The following NFATC4 variants were observed in gnomAD, a reference collection of about 807,000 sequenced individuals.
NFATC4 encodes the protein nuclear factor of activated T-cells, cytoplasmic 4.
Under a neutral mutation model 73.4 loss-of-function variants are expected in NFATC4, and 25 were observed. The ratio of observed to expected loss-of-function variants is 0.34; its 90% CI spans 0.25 to 0.48. NFATC4 has a LOEUF of 0.48. Among genes scored for constraint, NFATC4 ranks in the 20% least tolerant of loss-of-function variants. The probability of loss-of-function intolerance (pLI) is 0.99; values close to 1 mark genes in which losing one functional copy is unlikely to be tolerated. For synonymous variants in NFATC4, 523 were observed against 510.3 expected, an observed-to-expected ratio of 1.02 and a Z score of -0.34; for missense variants, 1,130 against 1,203.7, an observed-to-expected ratio of 0.94 and a Z score of 0.91.
chr14:24,377,457 T>G lies in NFATC4; in HGVS notation c.2642-181T>G. The G allele has an allele frequency of 7.0e-7, 1 of 1,431,260 alleles. No individual in the cohort carries two copies. The highest frequency in any genetic ancestry group is 9.1e-7 in the Non-Finnish European group (1 of 1,095,684). 88.7% of individuals were successfully genotyped at this position (1,431,260 alleles called of 1,614,324 possible). Reference sequence around the variant, plus strand: ...CACATGGAGGGAGTTGGGCAAGATTTGATTCGGAGCAGGTGTCAAGACGTG... The same window carrying G: ...CACATGGAGGGAGTTGGGCAAGATTGGATTCGGAGCAGGTGTCAAGACGTG... On this transcript the variant is annotated intron_variant, in intron 9 of 9. Coordinates refer to ENST00000250373, the MANE Select transcript of NFATC4 (RefSeq NM_004554.5). The surrounding 1 kb of genome is among the most constrained non-coding windows in gnomAD (Gnocchi z 4.2).
intron 2 of NFATC4, 54 bp downstream of exon 2, chr14:24,370,648 A>G: frequency 6.4e-7 from 1 of 1,552,656 alleles, no homozygotes; most frequent in East Asian, 2.3e-5. Context: ...GTAGGGGAGC[A>G]GGAGGGTCAA....
upstream of NFATC4, chr14:24,367,386 G>A (rs1246545307): frequency 1.3e-6 from 2 of 1,535,736 alleles, no homozygotes; most frequent in South Asian, 1.2e-5. Flanking sequence ...GTTCTAGGGA[G>A]GAGGCTGCCA....
chr14:24,375,280 T>A lies in NFATC4; in HGVS notation c.1874-380T>A, dbSNP rs80106173. Among the ~76,000 whole-genome samples, 1,197 of 152,264 alleles carry A rather than the reference T, an allele frequency of 7.9e-3. 15 individuals carry two copies. Among genetic ancestry groups the A allele is most frequent in the African/African-American group, 0.027 (1,127 of 41,544 alleles). ...CTCCAGAGGTTCTAGGTCATGATAC[T>A]TGGGGGTCTCATTGCGTTCTGTCGA... is the stretch of plus-strand genomic sequence containing the variant. On this transcript the variant is annotated intron_variant, in intron 6 of 9. Transcript: ENST00000250373.
intron 1 of NFATC4, chr14:24,369,284 A>T: frequency 6.4e-7 from 1 of 1,555,708 alleles, no homozygotes. Context: ...CGGTCCTAGG[A>T]TCCAGGGGCC....
chr14:24,377,893 C>T lies in NFATC4; in HGVS notation c.*188C>T. 1 of 1,206,172 alleles carries T rather than the reference C, an allele frequency of 8.3e-7. No homozygotes were observed. Among genetic ancestry groups the T allele is most frequent in the East Asian group, 2.6e-5 (1 of 38,900 alleles). 74.7% of individuals were successfully genotyped at this position (1,206,172 alleles called of 1,614,324 possible). On this transcript the variant is annotated 3_prime_UTR_variant, in exon 10 of 10. Coordinates refer to ENST00000250373, the MANE Select transcript of NFATC4 (RefSeq NM_004554.5). This position sits in a 1 kb window ranked among gnomAD's most constrained non-coding sequence, Gnocchi z 4.2. ...GGTGTGGCCCTCAGGCCTGGTGCTG[C>T]CTTGGAGGGCTGGGGGAAGGAGTGT...
Position 24,376,334 on chromosome 14 carries a change from G to C in NFATC4, c.2097G>C (p.Arg699=), listed in dbSNP as rs2042615393. The C allele has an allele frequency of 6.2e-7, 1 of 1,601,038 alleles. No individual in the cohort carries two copies. Among genetic ancestry groups the C allele is most frequent in the South Asian group, 1.1e-5 (1 of 89,032 alleles). The change falls in exon 9 of 10, where the codon CGG becomes CGC. Residue 699 remains arginine, a synonymous_variant. Transcript: ENST00000250373. The surrounding 1 kb of genome is among the most constrained non-coding windows in gnomAD (Gnocchi z 5.0). ...AGCCCCTACCGGACTCATCTCTGCG[G>C]GGTTTCCCTTCAGCATCGGCAACCC... is the stretch of plus-strand genomic sequence containing the variant. ...KEEPLPDSSL[R]GFPSASATPF...
chr14:24,375,712 C>T lies in NFATC4; in HGVS notation c.1926C>T (p.Asn642=), dbSNP rs776119235. 6.6e-6 allele frequency: 9 copies of T among 1,368,720 alleles called. No homozygotes were observed. The Admixed American group carries it at 9.0e-5, about 14-fold the overall frequency. The allele number at this position is 1,368,720 out of a possible 1,614,324, so 84.8% of individuals were successfully genotyped here. Residue 642 remains asparagine, a synonymous_variant, in exon 7 of 10, where the codon AAC becomes AAT. Coordinates refer to ENST00000250373, the MANE Select transcript of NFATC4 (RefSeq NM_004554.5). ...EEATVNRLQS[N]EVTLTLTVPE... ...CCACAGTGAACCGACTGCAGAGCAA[C>T]GAGGTACCAGTGTCACTTGGATACC...
chr14:24,375,582 G>C, intron 6 of NFATC4, 78 bp from the exon 7 acceptor site: 2 of 1,498,190 alleles, frequency 1.3e-6, no homozygotes, highest in Non-Finnish European at 1.8e-6. Context: ...GCTCTAACAG[G>C]AGGGGAAATG....
At position 24,377,593 on chromosome 14, in the gene NFATC4, G is replaced by C. The variant is rs2042660135; in HGVS notation, c.2642-45G>C. ...TGGGGGTGGGTCTTTGGAAAAGGAG[G>C]GGACCCACCTCTAGCCCAGTCTCTC... is the stretch of plus-strand genomic sequence containing the variant. On this transcript the variant is annotated intron_variant, in intron 9 of 9. Coordinates refer to ENST00000250373, the MANE Select transcript of NFATC4 (RefSeq NM_004554.5). The surrounding 1 kb of genome is among the most constrained non-coding windows in gnomAD (Gnocchi z 4.2). 1 of 1,613,710 alleles carries C rather than the reference G, an allele frequency of 6.2e-7. No individual in the cohort carries two copies. The highest frequency in any genetic ancestry group is 1.1e-5 in the South Asian group (1 of 91,042).
In NFATC4 at chr14:24,377,377, C is replaced by A. The variant is rs140311099; in HGVS notation, c.2642-261C>A. ...CTCTGGCCCTGCTGATACCGATTCCCCTGACATTTCAGGCTAAGCCAGCAG... is the reference window on the plus strand; with the variant it reads ...CTCTGGCCCTGCTGATACCGATTCCACTGACATTTCAGGCTAAGCCAGCAG... On this transcript the variant is annotated intron_variant, in intron 9 of 9. Transcript: ENST00000250373. The surrounding 1 kb of genome is among the most constrained non-coding windows in gnomAD (Gnocchi z 4.2). The A allele has an allele frequency of 1.8e-3, 2,391 of 1,362,364 alleles. 3 individuals are homozygous for A. Among genetic ancestry groups the A allele is most frequent in the Non-Finnish European group, 1.9e-3 (1,960 of 1,058,378 alleles). 84.4% of individuals were successfully genotyped at this position (1,362,364 alleles called of 1,614,324 possible).
chr14:24,368,725 C>A (rs1004468918), intron 1 of NFATC4, among the ~76,000 whole-genome samples: 1 of 151,912 alleles, frequency 6.6e-6, no homozygotes, highest in Non-Finnish European at 1.5e-5. Flanking sequence ...GAACTACGGC[C>A]CCAACAGCAC....
Position 24,377,517 on chromosome 14 carries a change from G to A in NFATC4, c.2642-121G>A, listed in dbSNP as rs111601139. On this transcript the variant is annotated intron_variant, in intron 9 of 9. Transcript: ENST00000250373. The surrounding 1 kb of genome is among the most constrained non-coding windows in gnomAD (Gnocchi z 4.2). Reference sequence around the variant, plus strand: ...CTGAGGCCCAGTGGAATAGAAGCCAGTAGAGGAGGAATCTAGAGGCCTCCT... The same window carrying A: ...CTGAGGCCCAGTGGAATAGAAGCCAATAGAGGAGGAATCTAGAGGCCTCCT... 5 of 1,526,502 alleles carry A rather than the reference G, an allele frequency of 3.3e-6. No homozygotes were observed. The highest frequency in any genetic ancestry group is 1.4e-5 in the African/African-American group (1 of 72,396). 94.6% of individuals were successfully genotyped at this position (1,526,502 alleles called of 1,614,324 possible).
At chr14:24,368,909 G>T (rs1196430674) in intron 1 of NFATC4, 9 of 339,938 alleles carry the variant, frequency 2.6e-5, no homozygotes, top group Non-Finnish European at 3.5e-5. Context: ...GACCGAGCCG[G>T]GGGCGGCGGC....
At chr14:24,371,277 T>C (rs1446714849) in intron 2 of NFATC4, among the ~76,000 whole-genome samples, 1 of 152,216 alleles carries the variant, frequency 6.6e-6, no homozygotes, top group Non-Finnish European at 1.5e-5. Context: ...CCCCTGGGTT[T>C]CCCATAGGGC....
At chr14:24,372,784 T>A in intron 3 of NFATC4, 181 bp downstream of exon 3, 2 of 710,252 alleles carry the variant, frequency 2.8e-6, no homozygotes, top group Non-Finnish European at 4.7e-6. Flanking sequence ...TTTCTACTCC[T>A]GTCCTTCCAC....
chr14:24,367,223 T>A (rs773915253), upstream of NFATC4: 8 of 1,608,138 alleles, frequency 5.0e-6, no homozygotes, highest in African/African-American at 1.1e-4. Context: ...AGGTGACAGG[T>A]GTCCAGCCTG....
Position 24,376,746 on chromosome 14 carries a change from G to T in NFATC4, c.2509G>T (p.Ala837Ser). The change falls in exon 9 of 10, where the codon GCT (alanine) becomes TCT (serine). Residue 837 changes from alanine (A) to serine (S), a missense_variant. By Grantham distance (99) the Ala-to-Ser change is moderately conservative. Transcript: ENST00000250373. The surrounding 1 kb of genome is among the most constrained non-coding windows in gnomAD (Gnocchi z 5.0). ...PSQSDVHPLP[A>S]EGYNKVGPGY... is the part of the protein sequence containing the mutation. ...CCAGAGTGATGTGCATCCCCTACCT[G>T]CTGAGGGATACAATAAGGTAGGGCC... The T allele has an allele frequency of 6.2e-7, 1 of 1,613,926 alleles. No homozygotes were observed. The highest frequency in any genetic ancestry group is 8.5e-7 in the Non-Finnish European group (1 of 1,179,960).
Position 24,369,756 on chromosome 14 carries a change from T to A in NFATC4, c.358T>A (p.Ser120Thr). 2 of 1,603,748 alleles carry A rather than the reference T, an allele frequency of 1.2e-6. No homozygotes were observed. The highest frequency in any genetic ancestry group is 1.7e-6 in the Non-Finnish European group (2 of 1,175,402). ...CGAGTGTCCCAGCATCCGCATCACC[T>A]CCATCTCTCCCACGCCGGAGCCGCC... ...VLECPSIRITSISPTPEPPAA... is the reference protein window; with the variant it reads ...VLECPSIRITTISPTPEPPAA... The change falls in exon 2 of 10, where the codon TCC becomes ACC. Residue 120 changes from serine to threonine, a missense_variant. Coordinates refer to ENST00000250373, the MANE Select transcript of NFATC4 (RefSeq NM_004554.5).
upstream of NFATC4, chr14:24,366,993 GGATTTAGA>G: frequency 6.2e-7 from 1 of 1,601,136 alleles, no homozygotes; most frequent in Non-Finnish European, 8.5e-7. Flanking sequence ...TGAACCGGAG[GGATTTAGA>G]GACTGGAGAC....
Sources: gnomAD v4.1 joint callset for allele counts (sites outside exome capture counted in the v4.1 genomes callset) on GRCh38, gnomAD v4.1.1 for gene constraint, Gnocchi (gnomAD v3.1) non-coding constraint, MANE v1.5 for transcripts, NCBI Gene and HGNC (gene_info 2026-07-23, HGNC 2026-07-21) for gene names.